NR6A1: variants seen among roughly 807,000 people sequenced by gnomAD.
NR6A1 encodes retinoic acid receptor-related testis-associated receptor.
A neutral mutation model predicts 59.1 loss-of-function variants in NR6A1; 7 were observed. The observed-to-expected ratio is 0.12, with a 90% CI of 0.07 to 0.22. The LOEUF is 0.22. Ranked by LOEUF, NR6A1 falls within the 10% of genes least tolerant of loss-of-function variation. The pLI is 1.00. For missense variants in NR6A1, 468 were observed against 611.6 expected, an observed-to-expected ratio of 0.77 and a Z score of 2.48; for synonymous variants, 243 against 236.1, an observed-to-expected ratio of 1.03 and a Z score of -0.27.
intron 1 of NR6A1, among the ~76,000 whole-genome samples, chr9:124,763,912 G>A (rs563765409): frequency 8.5e-5 from 13 of 152,190 alleles, no homozygotes; most frequent in South Asian, 4.2e-4. Flanking sequence ...TGCCAGGCGC[G>A]GTGGCTCATG....
chr9:124,696,099 G>A (rs568442778), intron 2 of NR6A1, among the ~76,000 whole-genome samples: 2 of 152,270 alleles, frequency 1.3e-5, no homozygotes, highest in African/African-American at 4.8e-5. Flanking sequence ...GTATTAGGGA[G>A]TCATAAGGAA....
At chr9:124,527,727 T>TC (rs1832980616) in intron 7 of NR6A1, among the ~76,000 whole-genome samples, 1 of 152,128 alleles carries the variant, frequency 6.6e-6, no homozygotes. Flanking sequence ...CAGAAGTGGC[T>TC]CAAAGCCCCC....
At chr9:124,751,698 A>T (rs1840502325) in intron 1 of NR6A1, among the ~76,000 whole-genome samples, 1 of 152,232 alleles carries the variant, frequency 6.6e-6, no homozygotes, top group South Asian at 2.1e-4. Flanking sequence ...TCACAAGATG[A>T]TTTATCAAGA....
chr9:124,592,687 C>T (rs1835162990), intron 2 of NR6A1, among the ~76,000 whole-genome samples: 1 of 152,190 alleles, frequency 6.6e-6, no homozygotes, highest in Admixed American at 6.5e-5. Flanking sequence ...CCCGCCTCCC[C>T]TTATTCCATT....
At chr9:124,575,663 C>A (rs1449871450) in intron 2 of NR6A1, among the ~76,000 whole-genome samples, 1 of 152,124 alleles carries the variant, frequency 6.6e-6, no homozygotes, top group Non-Finnish European at 1.5e-5. Flanking sequence ...GTCTATATTG[C>A]TTAGTCTCTC....
chr9:124,669,523 C>T (rs1837723932), intron 2 of NR6A1, among the ~76,000 whole-genome samples: 1 of 152,190 alleles, frequency 6.6e-6, no homozygotes, highest in South Asian at 2.1e-4. Flanking sequence ...GCCCTGCCTA[C>T]CTGTTGAAAT....
At chr9:124,696,925 T>A (rs1394891116) in intron 2 of NR6A1, among the ~76,000 whole-genome samples, 1 of 152,206 alleles carries the variant, frequency 6.6e-6, no homozygotes, top group Non-Finnish European at 1.5e-5. Flanking sequence ...CCCAAAGTGT[T>A]GGGATTATAG....
chr9:124,627,573 CT>C (rs1207132301), intron 2 of NR6A1, among the ~76,000 whole-genome samples: 2 of 152,128 alleles, frequency 1.3e-5, no homozygotes, highest in African/African-American at 4.8e-5. Context: ...GTGAGAATTT[CT>C]TTTTTAAAAA....
chr9:124,542,247 T>C (rs1330307414), intron 4 of NR6A1, among the ~76,000 whole-genome samples: 2 of 152,186 alleles, frequency 1.3e-5, no homozygotes, highest in Non-Finnish European at 2.9e-5. Context: ...TTGTAAGACA[T>C]ATATATGACT....
chr9:124,547,949 C>T (rs969016427), intron 3 of NR6A1, among the ~76,000 whole-genome samples: 8 of 152,004 alleles, frequency 5.3e-5, no homozygotes, highest in African/African-American at 1.4e-4. Context: ...ATAAGATCTG[C>T]TAATAAGATA....
chr9:124,763,015 G>A lies in NR6A1; in HGVS notation c.100+8005C>T, dbSNP rs139473301. Reference sequence around the variant, plus strand: ...AAAAAATAGTCTGCCAAATGCCCAAGGCTGAATCAAGTATAGTTTAATTAT... The same window carrying A: ...AAAAAATAGTCTGCCAAATGCCCAAAGCTGAATCAAGTATAGTTTAATTAT... On this transcript the variant is annotated intron_variant, in intron 1 of 9. Coordinates refer to ENST00000487099, the MANE Select transcript of NR6A1 (RefSeq NM_033334.4). Among the ~76,000 whole-genome samples the A allele has an allele frequency of 7.9e-4, 121 of 152,300 alleles. 1 individual carries two copies. Among genetic ancestry groups the A allele is most frequent in the African/African-American group, 2.7e-3 (114 of 41,568 alleles).
At chr9:124,600,910 T>A (rs560244550) in intron 2 of NR6A1, among the ~76,000 whole-genome samples, 191 of 147,320 alleles carry the variant, frequency 1.3e-3, no homozygotes, top group Non-Finnish European at 2.2e-3. Flanking sequence ...GATTTTGTAA[T>A]GCCAATGCTA....
chr9:124,535,826 G>T, intron 7 of NR6A1, 52 bp downstream of exon 7: 1 of 1,603,206 alleles, frequency 6.2e-7, no homozygotes. Flanking sequence ...GCCTTACAGG[G>T]ATGACAATTG....
intron 2 of NR6A1, among the ~76,000 whole-genome samples, chr9:124,567,863 C>G (rs13440244): frequency 0.13 from 15,012 of 114,824 alleles, 2,188 homozygotes; most frequent in African/African-American, 0.36. Flanking sequence ...TTAACTAGTA[C>G]AGAGTCATAC....
intron 2 of NR6A1, among the ~76,000 whole-genome samples, chr9:124,593,736 A>G (rs1399362544): frequency 6.6e-6 from 1 of 152,162 alleles, no homozygotes; most frequent in Non-Finnish European, 1.5e-5. Context: ...CCTGCCAGGC[A>G]GGGGCTGTGC....
chr9:124,630,208 C>G (rs947445702), intron 2 of NR6A1, among the ~76,000 whole-genome samples: 1 of 132,690 alleles, frequency 7.5e-6, no homozygotes, highest in Non-Finnish European at 1.6e-5. Context: ...TCCTCCAAAT[C>G]AGTTTTTTTT....
intron 3 of NR6A1, among the ~76,000 whole-genome samples, chr9:124,552,408 G>A (rs1344887708): frequency 6.6e-6 from 1 of 152,174 alleles, no homozygotes; most frequent in African/African-American, 2.4e-5. Context: ...GCAGTGTAAG[G>A]CATCCCTGAG....
At chr9:124,726,561 G>C (rs992585918) in intron 2 of NR6A1, among the ~76,000 whole-genome samples, 12 of 152,324 alleles carry the variant, frequency 7.9e-5, no homozygotes, top group African/African-American at 2.9e-4. Flanking sequence ...GGAGGGTGGA[G>C]AGAGGTAGAC....
At chr9:124,618,535 A>G (rs1312960131) in intron 2 of NR6A1, among the ~76,000 whole-genome samples, 1 of 152,190 alleles carries the variant, frequency 6.6e-6, no homozygotes, top group East Asian at 1.9e-4. Flanking sequence ...ACGAGCCCAG[A>G]GCAGTTAGGT....
Sources: allele counts gnomAD v4.1 joint callset (sites outside exome capture counted in the v4.1 genomes callset), GRCh38; gene constraint gnomAD v4.1.1; transcripts MANE v1.5; gene names NCBI Gene and HGNC (gene_info 2026-07-23, HGNC 2026-07-21).